TANC1: variants seen among roughly 807,000 people sequenced by gnomAD.
The protein encoded by TANC1 is tetratricopeptide repeat, ankyrin repeat and coiled-coil containing 1.
In TANC1, 77 loss-of-function variants were observed where a neutral mutation model predicts 149.7. That is an observed-to-expected ratio of 0.51 (90% CI 0.43 to 0.62). The LOEUF is 0.62. TANC1 is among the 20% of genes least tolerant of loss of function. TANC1 has a pLI of 0.00. For synonymous variants in TANC1, 854 were observed against 925.0 expected (o/e 0.92, Z 1.39); for missense variants, 1,985 against 2,321.8 (o/e 0.85, Z 2.98).
At chr2:158,987,041 TA>T (rs528717919) in intron 1 of TANC1, among the ~76,000 whole-genome samples, 2,025 of 137,822 alleles carry the variant, frequency 0.015, 25 homozygotes, top group East Asian at 0.039. Flanking sequence ...TGTCTCTACT[TA>T]AAAAAAAAAA....
intron 19 of TANC1, among the ~76,000 whole-genome samples, chr2:159,209,189 A>T (rs2058827185): frequency 6.6e-6 from 1 of 152,186 alleles, no homozygotes; most frequent in Non-Finnish European, 1.5e-5. Flanking sequence ...CTTGTCCCAG[A>T]CACCAAGGCT....
intron 14 of TANC1, among the ~76,000 whole-genome samples, chr2:159,182,073 G>A (rs2056543381): frequency 6.6e-6 from 1 of 152,108 alleles, no homozygotes; most frequent in African/African-American, 2.4e-5. Flanking sequence ...GCCGGGTGTG[G>A]TGGCAAGCAC....
intron 4 of TANC1, among the ~76,000 whole-genome samples, chr2:159,133,279 A>G (rs2050292336): frequency 6.6e-6 from 1 of 151,536 alleles, no homozygotes; most frequent in Admixed American, 6.6e-5. Flanking sequence ...TCAGCAGTTC[A>G]TTTTACCTTA....
chr2:158,977,410 G>A (rs1445376369), intron 1 of TANC1, among the ~76,000 whole-genome samples: 2 of 151,890 alleles, frequency 1.3e-5, no homozygotes, highest in Non-Finnish European at 2.9e-5. Context: ...TCCTGGGTTC[G>A]AGTGATTGTC....
chr2:159,221,388 TAATA>T (rs1423775477), intron 22 of TANC1, among the ~76,000 whole-genome samples: 3 of 149,510 alleles, frequency 2.0e-5, no homozygotes, highest in Non-Finnish European at 4.4e-5. Flanking sequence ...CTCAAAAAAA[TAATA>T]AATAAAAGTT....
intron 20 of TANC1, among the ~76,000 whole-genome samples, chr2:159,218,952 G>A: frequency 6.6e-6 from 1 of 152,152 alleles, no homozygotes; most frequent in South Asian, 2.1e-4. Context: ...CTTGTAGATA[G>A]TGATTGGCAT....
intron 19 of TANC1, among the ~76,000 whole-genome samples, chr2:159,208,763 A>C (rs1441948259): frequency 1.3e-5 from 2 of 152,248 alleles, no homozygotes; most frequent in Admixed American, 6.5e-5. Flanking sequence ...GAAGGTGTTC[A>C]AAACCACAAC....
intron 2 of TANC1, among the ~76,000 whole-genome samples, chr2:159,039,687 C>A (rs549539053): frequency 1.5e-4 from 23 of 152,140 alleles, no homozygotes; most frequent in Non-Finnish European, 3.1e-4. Flanking sequence ...GTCCTGAGTT[C>A]TAATTTGATT....
At position 159,150,515 on chromosome 2, in the gene TANC1, G is replaced by T; in HGVS notation, c.641G>T (p.Ser214Ile). The stretch of plus-strand genomic sequence containing the variant: ...AAAAGTCCCTGTGAGACCATTAGCA[G>T]CCCTAGTTCCACCCTGGAAAGCAAG... The part of the protein sequence containing the change: ...ANKSPCETIS[S>I]PSSTLESKDS... The change falls in exon 7 of 27, where the codon AGC becomes ATC. Residue 214 changes from serine to isoleucine, a missense_variant. By Grantham distance (142) the Ser-to-Ile change is moderately radical. Transcript: ENST00000263635. 6.2e-7 allele frequency: 1 copy of T among 1,614,118 alleles called. No individual in the cohort carries two copies. Among genetic ancestry groups the T allele is most frequent in the Non-Finnish European group, 8.5e-7 (1 of 1,180,000 alleles).
intron 6 of TANC1, chr2:159,149,540 G>A (rs2052542926): frequency 6.8e-6 from 3 of 438,838 alleles, no homozygotes; most frequent in Non-Finnish European, 1.3e-5. Context: ...AATTAAAGAG[G>A]CTAAAAGAAT....
chr2:159,091,850 G>T (rs1349545233), intron 3 of TANC1, among the ~76,000 whole-genome samples: 1 of 152,144 alleles, frequency 6.6e-6, no homozygotes, highest in Non-Finnish European at 1.5e-5. Flanking sequence ...TGAATGTTAG[G>T]AGATTCTATA....
At chr2:159,191,992 G>A (rs1313775964) in intron 16 of TANC1, among the ~76,000 whole-genome samples, 1 of 151,706 alleles carries the variant, frequency 6.6e-6, no homozygotes, top group Admixed American at 6.6e-5. Context: ...TGTTAAAGGA[G>A]CATCATTTGT....
At chr2:159,180,327 A>G (rs1453360688) in intron 14 of TANC1, among the ~76,000 whole-genome samples, 1 of 152,256 alleles carries the variant, frequency 6.6e-6, no homozygotes, top group Non-Finnish European at 1.5e-5. Context: ...GGGAAATTCC[A>G]GTCATTTTCT....
chr2:159,003,902 A>G (rs970087291), intron 2 of TANC1: 2 of 1,612,932 alleles, frequency 1.2e-6, no homozygotes, highest in African/African-American at 2.7e-5. Context: ...GGGCAAGGAT[A>G]CAGCTCGCAG....
intron 3 of TANC1, among the ~76,000 whole-genome samples, chr2:159,075,416 CAA>C (rs55932985): frequency 6.9e-6 from 1 of 143,926 alleles, no homozygotes; most frequent in Non-Finnish European, 1.5e-5. Context: ...AAAAAAAAAA[CAA>C]AAAAAAAACT....
intron 5 of TANC1, among the ~76,000 whole-genome samples, chr2:159,143,574 A>G (rs2051699407): frequency 6.7e-6 from 1 of 150,324 alleles, no homozygotes; most frequent in Admixed American, 6.6e-5. Flanking sequence ...AAAAAAAAAA[A>G]AAAAAAAAAA....
intron 4 of TANC1, among the ~76,000 whole-genome samples, chr2:159,110,185 A>G (rs1294798760): frequency 1.3e-5 from 2 of 152,360 alleles, no homozygotes; most frequent in East Asian, 3.9e-4. Flanking sequence ...CGTTGAGACT[A>G]TGGAGAAAAT....
intron 4 of TANC1, among the ~76,000 whole-genome samples, chr2:159,133,380 G>T (rs1287794250): frequency 6.6e-6 from 1 of 151,000 alleles, no homozygotes; most frequent in Non-Finnish European, 1.5e-5. Context: ...TCTGAGACAG[G>T]GTCTTGCTCT....
chr2:159,198,083 G>A (rs1259595372), intron 18 of TANC1, among the ~76,000 whole-genome samples: 1 of 152,084 alleles, frequency 6.6e-6, no homozygotes, highest in African/African-American at 2.4e-5. Flanking sequence ...TCTCCAAAGT[G>A]CCTTACTTTC....
Sources: gnomAD v4.1 joint callset for allele counts (sites outside exome capture counted in the v4.1 genomes callset) on GRCh38, gnomAD v4.1.1 for gene constraint, MANE v1.5 for transcripts, NCBI Gene and HGNC (gene_info 2026-07-23, HGNC 2026-07-21) for gene names.